The following OR3A2 variants were observed in gnomAD, a reference collection of about 807,000 sequenced individuals.
OR3A2 encodes the protein olfactory receptor family 3 subfamily A member 2, also known as olfactory receptor 3A2.
For synonymous variants in OR3A2, 126 were observed against 159.3 expected, an observed-to-expected ratio of 0.79 and a Z score of 1.57; for missense variants, 318 against 392.8, an observed-to-expected ratio of 0.81 and a Z score of 1.61.
At chr17:3,289,463 G>A (rs142150193) in intron 3 of OR3A2, among the ~76,000 whole-genome samples, 173 of 152,346 alleles carry the variant, frequency 1.1e-3, no homozygotes, top group Non-Finnish European at 1.6e-3. Flanking sequence ...GGCCAAGACC[G>A]AAATCTCTCC....
chr17:3,319,538 C>T (rs1187769264), intron 3 of OR3A2, among the ~76,000 whole-genome samples: 1 of 152,060 alleles, frequency 6.6e-6, no homozygotes, highest in Non-Finnish European at 1.5e-5. Flanking sequence ...CCCACCACCC[C>T]ACAACAGTCC....
chr17:3,367,599 G>GTATATATA (rs201439962), intron 2 of OR3A2, among the ~76,000 whole-genome samples: 50 of 85,964 alleles, frequency 5.8e-4, no homozygotes, highest in East Asian at 4.5e-3. Flanking sequence ...GTGTGTGTGT[G>GTATATATA]TGTATATATA....
intron 3 of OR3A2, among the ~76,000 whole-genome samples, chr17:3,307,378 C>G (rs1422159455): frequency 1.3e-5 from 2 of 152,224 alleles, no homozygotes; most frequent in Admixed American, 6.5e-5. Flanking sequence ...CCAATCCATC[C>G]TAATTCTCTG....
At chr17:3,355,896 C>T (rs946186349) in intron 2 of OR3A2, among the ~76,000 whole-genome samples, 1 of 151,014 alleles carries the variant, frequency 6.6e-6, no homozygotes, top group African/African-American at 2.5e-5. Flanking sequence ...TCCCTCCTTC[C>T]TTCTTTCCTT....
chr17:3,292,577 C>G, intron 3 of OR3A2: 5 of 1,600,900 alleles, frequency 3.1e-6, no homozygotes, highest in Non-Finnish European at 4.3e-6. Flanking sequence ...CAGATTCTGG[C>G]TGCATGAGTT....
chr17:3,338,402 T>C (rs1298890440), intron 2 of OR3A2, among the ~76,000 whole-genome samples: 3 of 152,242 alleles, frequency 2.0e-5, no homozygotes, highest in Admixed American at 1.3e-4. Context: ...TTTATGGTTT[T>C]AGGCCTAATA....
At chr17:3,303,918 GATATAA>G (rs2048983570) in intron 3 of OR3A2, among the ~76,000 whole-genome samples, 1 of 126,952 alleles carries the variant, frequency 7.9e-6, no homozygotes, top group Non-Finnish European at 1.7e-5. Context: ...TATAGATATA[GATATAA>G]ATATATATAT....
rs373884618 is a variant in OR3A2, at chr17:3,320,856, G to A, written c.-85+15177C>T. On this transcript the variant is annotated intron_variant, in intron 3 of 4. Transcript: ENST00000573491. Reference sequence around the variant, plus strand: ...CTTTTGGCTTAGGATTGACTTGGCGGTGCGGGCTCTTTTTTGGTTCCATAT... The same window carrying A: ...CTTTTGGCTTAGGATTGACTTGGCGATGCGGGCTCTTTTTTGGTTCCATAT... Among the ~76,000 whole-genome samples, 52 of 151,950 alleles carry A rather than the reference G, an allele frequency of 3.4e-4. No individual in the cohort carries two copies. The East Asian group carries it at 7.8e-3, about 23-fold the overall frequency.
intron 1 of OR3A2, among the ~76,000 whole-genome samples, chr17:3,279,385 C>T (rs534885502): frequency 6.3e-4 from 96 of 152,226 alleles, no homozygotes; most frequent in Non-Finnish European, 1.3e-3. Flanking sequence ...TACAAGGCTT[C>T]CTCTATGAAT....
At chr17:3,371,456 TG>T (rs2049619166) in intron 2 of OR3A2, among the ~76,000 whole-genome samples, 1 of 137,238 alleles carries the variant, frequency 7.3e-6, no homozygotes, top group Non-Finnish European at 1.6e-5. Flanking sequence ...ACGGGGTGGC[TG>T]GCTGGGCGGG....
At chr17:3,384,908 C>T (rs901990918) in intron 1 of OR3A2, among the ~76,000 whole-genome samples, 7 of 152,090 alleles carry the variant, frequency 4.6e-5, no homozygotes, top group African/African-American at 1.7e-4. Context: ...AAAAGCTTGT[C>T]TGGCCAGGCA....
chr17:3,330,040 C>T (rs1047147107), intron 3 of OR3A2, among the ~76,000 whole-genome samples: 2 of 147,062 alleles, frequency 1.4e-5, no homozygotes, highest in Non-Finnish European at 3.0e-5. Flanking sequence ...GATTCTTAAT[C>T]CTGAGTTCTA....
At chr17:3,335,556 T>C (rs1490095923) in intron 3 of OR3A2, among the ~76,000 whole-genome samples, 1 of 152,204 alleles carries the variant, frequency 6.6e-6, no homozygotes, top group Non-Finnish European at 1.5e-5. Flanking sequence ...CTGATCTGCA[T>C]CTTCCATTCC....
intron 3 of OR3A2, chr17:3,292,314 G>C: frequency 1.2e-6 from 2 of 1,614,188 alleles, no homozygotes; most frequent in Non-Finnish European, 1.7e-6. Context: ...ACGCTTGCGG[G>C]ACAGGAGACG....
chr17:3,355,427 TTTCTC>T (rs2049458141), intron 2 of OR3A2, among the ~76,000 whole-genome samples: 1 of 45,876 alleles, frequency 2.2e-5, no homozygotes, highest in Admixed American at 1.8e-4. Flanking sequence ...CATGTTGGCA[TTTCTC>T]TCTCTCTCTC....
intron 2 of OR3A2, among the ~76,000 whole-genome samples, chr17:3,339,118 G>A (rs1021546555): frequency 1.3e-5 from 2 of 152,122 alleles, no homozygotes; most frequent in Non-Finnish European, 2.9e-5. Flanking sequence ...CATTGATTTT[G>A]TATCCTGAGA....
rs73977611 is a variant in OR3A2, at chr17:3,278,383, G to C, written c.535C>G (p.His179Asp). The change falls in exon 2 of 2, where the codon CAC becomes GAC. Residue 179 changes from histidine to aspartate, a missense_variant. Transcript: ENST00000642052. The stretch of plus-strand genomic sequence containing the variant: ...AGCTGTGGGAGGTCACAGTAGAAGT[G>C]ATTGACCTCATTGGGGCCACAGAAG... 3,851 of 1,614,214 alleles carry C rather than the reference G, an allele frequency of 2.4e-3. 68 individuals are homozygous for C. In the African/African-American group the frequency reaches 0.044, roughly 18 times the overall value.
rs535775077 is a variant in OR3A2, at chr17:3,358,655, T to A, written c.-178-22529A>T. On this transcript the variant is annotated intron_variant, in intron 2 of 4. Transcript: ENST00000573491. Reference sequence around the variant, plus strand: ...TGGTCTGAGAGTATGTTTGGTATGGTTTTGGTTCTATTACATTTGTTGAGG... The same window carrying A: ...TGGTCTGAGAGTATGTTTGGTATGGATTTGGTTCTATTACATTTGTTGAGG... Among the ~76,000 whole-genome samples the A allele has an allele frequency of 2.5e-4, 38 of 151,860 alleles. No homozygotes were observed. In the South Asian group the frequency reaches 7.2e-3, roughly 29 times the overall value.
intron 2 of OR3A2, among the ~76,000 whole-genome samples, chr17:3,337,946 A>G (rs570999284): frequency 7.3e-4 from 111 of 152,218 alleles, no homozygotes; most frequent in African/African-American, 2.7e-3. Flanking sequence ...GTTGTTTCCT[A>G]ACTTTTTAAT....
Sources: gnomAD v4.1 joint callset for allele counts (sites outside exome capture counted in the v4.1 genomes callset) on GRCh38, gnomAD v4.1.1 for gene constraint, MANE v1.5 for transcripts, NCBI Gene and HGNC (gene_info 2026-07-23, HGNC 2026-07-21) for gene names.